Variants in NRG4 observed in about 807,000 individuals in gnomAD.
The protein encoded by NRG4 is neuregulin 4, also known as pro-neuregulin-4, membrane-bound isoform.
In NRG4, 10 loss-of-function variants were observed where a neutral mutation model predicts 15.0. That is an observed-to-expected ratio of 0.67 (90% CI 0.41 to 1.13). NRG4 has a LOEUF of 1.13. Ranked by LOEUF, NRG4 falls within the 50% of genes most tolerant of loss-of-function variation. The probability of loss-of-function intolerance (pLI) is 0.00; values close to 1 mark genes in which losing one functional copy is unlikely to be tolerated. For missense variants in NRG4, 139 were observed against 140.2 expected (o/e 0.99, Z 0.04); for synonymous variants, 41 against 50.1 (o/e 0.82, Z 0.77).
chr15:76,051,379 G>A (rs956549376), intron 4 of NRG4, among the ~76,000 whole-genome samples: 2 of 150,068 alleles, frequency 1.3e-5, no homozygotes, highest in African/African-American at 5.0e-5. Context: ...ATGCTCAAGC[G>A]ATCCTCTCGC....
intron 3 of NRG4, among the ~76,000 whole-genome samples, chr15:76,006,822 A>G (rs1198512576): frequency 1.3e-5 from 2 of 152,250 alleles, no homozygotes; most frequent in Non-Finnish European, 2.9e-5. Flanking sequence ...AAGCAGGATG[A>G]CAACCTAGGT....
downstream of NRG4, chr15:75,935,684 A>G (rs1021969655): frequency 6.6e-6 from 1 of 151,256 alleles, no homozygotes; most frequent in African/African-American, 2.4e-5. Context: ...CTAACCCTCA[A>G]CCTACGAGGC....
intron 5 of NRG4, among the ~76,000 whole-genome samples, chr15:76,024,464 G>A (rs1001965817): frequency 3.9e-5 from 6 of 152,186 alleles, no homozygotes; most frequent in African/African-American, 9.7e-5. Flanking sequence ...ACAGCCACCC[G>A]GGATACCCCT....
chr15:75,951,630 C>A (rs770442007), intron 5 of NRG4, among the ~76,000 whole-genome samples: 138 of 152,268 alleles, frequency 9.1e-4, no homozygotes, highest in Admixed American at 1.6e-3. Context: ...TCTAGAGTTT[C>A]TAGCATACAC....
intron 3 of NRG4, among the ~76,000 whole-genome samples, chr15:75,990,184 T>C (rs540648089): frequency 1.3e-5 from 2 of 152,346 alleles, no homozygotes; most frequent in African/African-American, 4.8e-5. Context: ...TTGTCTAATG[T>C]AGCATCTGAC....
intron 4 of NRG4, among the ~76,000 whole-genome samples, chr15:76,045,335 T>C (rs1303644172): frequency 6.6e-6 from 1 of 151,014 alleles, no homozygotes; most frequent in African/African-American, 2.5e-5. Context: ...TCACATACTG[T>C]TGGTGGGAAC....
At chr15:75,995,044 A>C (rs1267569972) in intron 3 of NRG4, among the ~76,000 whole-genome samples, 2 of 151,730 alleles carry the variant, frequency 1.3e-5, no homozygotes, top group African/African-American at 4.8e-5. Flanking sequence ...TAAAAATTAG[A>C]GGGCATGGTG....
intron 2 of NRG4, among the ~76,000 whole-genome samples, chr15:76,009,937 T>C (rs991418327): frequency 6.6e-6 from 1 of 152,150 alleles, no homozygotes; most frequent in African/African-American, 2.4e-5. Flanking sequence ...GCCAAATCTT[T>C]CAGAATATTA....
At chr15:75,983,177 A>G (rs542010249) in intron 3 of NRG4, among the ~76,000 whole-genome samples, 1 of 152,314 alleles carries the variant, frequency 6.6e-6, no homozygotes, top group South Asian at 2.1e-4. Context: ...GAACAAACAG[A>G]CAAGAATCAA....
At chr15:75,979,024 C>A (rs1023856413) in intron 3 of NRG4, among the ~76,000 whole-genome samples, 1 of 152,068 alleles carries the variant, frequency 6.6e-6, no homozygotes, top group African/African-American at 2.4e-5. Flanking sequence ...CATTACTAAT[C>A]CCTTGTCAGA....
At chr15:76,046,030 C>T (rs1008357564) in intron 4 of NRG4, among the ~76,000 whole-genome samples, 5 of 151,016 alleles carry the variant, frequency 3.3e-5, no homozygotes, top group African/African-American at 1.2e-4. Flanking sequence ...ATCAAAATAT[C>T]TCATGTAACC....
At chr15:76,034,618 C>G (rs2035556758) in intron 5 of NRG4, among the ~76,000 whole-genome samples, 1 of 131,486 alleles carries the variant, frequency 7.6e-6, no homozygotes, top group African/African-American at 2.9e-5. Context: ...ATAACCATAG[C>G]TAAAAAAAAA....
At chr15:76,058,233 C>CG (rs2036200797) in intron 1 of NRG4, among the ~76,000 whole-genome samples, 2 of 152,266 alleles carry the variant, frequency 1.3e-5, no homozygotes, top group African/African-American at 4.8e-5. Context: ...TTTCTTAACC[C>CG]ATCTCCACTT....
intron 3 of NRG4, among the ~76,000 whole-genome samples, chr15:75,966,485 T>C (rs995347470): frequency 3.3e-5 from 5 of 152,232 alleles, no homozygotes; most frequent in African/African-American, 1.2e-4. Context: ...TACAAGTGTG[T>C]TTACAAGGAA....
At chr15:76,048,471 C>CAAAAAAAA (rs35429006) in intron 4 of NRG4, among the ~76,000 whole-genome samples, 1 of 74,008 alleles carries the variant, frequency 1.4e-5, no homozygotes. Context: ...GACTCTGACT[C>CAAAAAAAA]AAAAAAAAAA....
intron 4 of NRG4, among the ~76,000 whole-genome samples, chr15:75,960,445 T>A (rs1159315490): frequency 6.6e-6 from 1 of 152,200 alleles, no homozygotes; most frequent in African/African-American, 2.4e-5. Flanking sequence ...GCTGGGCATC[T>A]TTTGCTTGGG....
intron 5 of NRG4, among the ~76,000 whole-genome samples, chr15:76,023,403 C>T (rs1486902553): frequency 6.6e-6 from 1 of 152,164 alleles, no homozygotes; most frequent in Non-Finnish European, 1.5e-5. Flanking sequence ...CTTTCCCTTT[C>T]AGGAAAATGG....
intron 5 of NRG4, among the ~76,000 whole-genome samples, chr15:75,944,563 G>A (rs2031341421): frequency 6.6e-6 from 1 of 152,152 alleles, no homozygotes; most frequent in African/African-American, 2.4e-5. Flanking sequence ...TTGATGGTGT[G>A]GTGGCAGGAG....
chr15:76,030,804 C>T (rs773039760), intron 5 of NRG4, among the ~76,000 whole-genome samples: 5 of 152,132 alleles, frequency 3.3e-5, no homozygotes, highest in Non-Finnish European at 7.4e-5. Flanking sequence ...TGGTGAATTC[C>T]ACCAAACATT....
Sources: gnomAD v4.1 joint callset for allele counts (sites outside exome capture counted in the v4.1 genomes callset) on GRCh38, gnomAD v4.1.1 for gene constraint, MANE v1.5 for transcripts, NCBI Gene and HGNC (gene_info 2026-07-23, HGNC 2026-07-21) for gene names.